The following CEP112 variants were observed in gnomAD, a reference collection of about 807,000 sequenced individuals.
CEP112 encodes the protein centrosomal protein 112, also known as centrosomal protein of 112 kDa.
A neutral mutation model predicts 153.0 loss-of-function variants in CEP112; 127 were observed. That is an observed-to-expected ratio of 0.83 (90% CI 0.72 to 0.96). The LOEUF is 0.96. Among genes scored for constraint, CEP112 ranks in the 40% least tolerant of loss-of-function variants. The pLI, the probability that CEP112 is intolerant of heterozygous loss-of-function variation, is 0.00. For synonymous variants in CEP112, 358 were observed against 374.4 expected, an observed-to-expected ratio of 0.96 and a Z score of 0.51; for missense variants, 1,089 against 1,101.2, an observed-to-expected ratio of 0.99 and a Z score of 0.16.
At chr17:65,847,761 T>C (rs1218186309) in intron 21 of CEP112, among the ~76,000 whole-genome samples, 2 of 151,964 alleles carry the variant, frequency 1.3e-5, no homozygotes, top group South Asian at 2.1e-4. Flanking sequence ...ATGAAGACAA[T>C]GGGACAAAAA....
intron 4 of CEP112, among the ~76,000 whole-genome samples, chr17:66,167,687 A>G (rs989022477): frequency 1.3e-5 from 2 of 152,356 alleles, no homozygotes; most frequent in African/African-American, 2.4e-5. Context: ...ACTTATGCCT[A>G]TATGATACAC....
chr17:66,037,368 C>CTCTCTCCTCTCCCTGTTCTCTCT (rs2065781174), intron 12 of CEP112, among the ~76,000 whole-genome samples: 1 of 152,152 alleles, frequency 6.6e-6, no homozygotes, highest in Admixed American at 6.5e-5. Flanking sequence ...GACCACCTCT[C>CTCTCTCCTCTCCCTGTTCTCTCT]TCTCTCCTCT....
chr17:66,110,882 T>C (rs2069006608), intron 6 of CEP112, among the ~76,000 whole-genome samples: 1 of 152,064 alleles, frequency 6.6e-6, no homozygotes. Context: ...ACTTAAGAGC[T>C]TCTGCACATC....
At chr17:65,999,118 T>C (rs1250031934) in intron 17 of CEP112, among the ~76,000 whole-genome samples, 3 of 152,158 alleles carry the variant, frequency 2.0e-5, no homozygotes, top group Non-Finnish European at 2.9e-5. Flanking sequence ...TTTCTTATAA[T>C]ACTTTCACTG....
chr17:65,845,796 G>C (rs1056126001), intron 21 of CEP112, among the ~76,000 whole-genome samples: 1 of 152,072 alleles, frequency 6.6e-6, no homozygotes, highest in African/African-American at 2.4e-5. Flanking sequence ...CACAAAAGAA[G>C]CTTTCACTTT....
At chr17:66,126,860 C>A (rs557347731) in intron 6 of CEP112, among the ~76,000 whole-genome samples, 5 of 152,108 alleles carry the variant, frequency 3.3e-5, no homozygotes, top group African/African-American at 4.8e-5. Context: ...AAAAATGTAT[C>A]CGTAGTCCAG....
chr17:65,654,951 T>C, intron 24 of CEP112: 1 of 658,436 alleles, frequency 1.5e-6, no homozygotes, highest in Admixed American at 1.9e-5. Flanking sequence ...GCACAAATTA[T>C]TGCGGAAGCC....
chr17:65,834,273 T>C (rs2057210539), intron 21 of CEP112, among the ~76,000 whole-genome samples: 2 of 152,118 alleles, frequency 1.3e-5, no homozygotes, highest in African/African-American at 4.8e-5. Flanking sequence ...AGCATTACCA[T>C]CCTGGACATA....
intron 20 of CEP112, among the ~76,000 whole-genome samples, chr17:65,867,903 G>T (rs575930465): frequency 6.8e-6 from 1 of 147,512 alleles, no homozygotes; most frequent in East Asian, 2.0e-4. Flanking sequence ...GGGGAATGAA[G>T]TCACCCATGG....
At chr17:65,649,628 A>T (rs1284892565) in intron 24 of CEP112, among the ~76,000 whole-genome samples, 2 of 149,122 alleles carry the variant, frequency 1.3e-5, no homozygotes, top group African/African-American at 5.0e-5. Flanking sequence ...CTGAGGTGGG[A>T]GGGTCACTTG....
At chr17:65,672,105 C>T (rs2047015663) in intron 24 of CEP112, among the ~76,000 whole-genome samples, 1 of 152,096 alleles carries the variant, frequency 6.6e-6, no homozygotes, top group African/African-American at 2.4e-5. Context: ...GGTGAGACAA[C>T]TGTAATACTC....
At chr17:65,683,556 G>T (rs1322432557) in intron 24 of CEP112, among the ~76,000 whole-genome samples, 1 of 152,192 alleles carries the variant, frequency 6.6e-6, no homozygotes. Context: ...CCGGCTCCCC[G>T]GAGGGCTGCA....
chr17:66,022,831 A>T (rs2065056335), intron 16 of CEP112, among the ~76,000 whole-genome samples: 1 of 152,040 alleles, frequency 6.6e-6, no homozygotes, highest in Non-Finnish European at 1.5e-5. Flanking sequence ...TCAATTCAGG[A>T]TATAAATTTT....
intron 20 of CEP112, among the ~76,000 whole-genome samples, chr17:65,875,839 A>C (rs2058808030): frequency 6.6e-6 from 1 of 152,164 alleles, no homozygotes; most frequent in Non-Finnish European, 1.5e-5. Context: ...TGTAACCATG[A>C]GTATATTTTC....
At chr17:65,679,833 A>C (rs1181870689) in intron 24 of CEP112, among the ~76,000 whole-genome samples, 1 of 152,200 alleles carries the variant, frequency 6.6e-6, no homozygotes, top group African/African-American at 2.4e-5. Context: ...TGTGGGAGGC[A>C]AATCAACTCT....
chr17:65,909,653 GA>G (rs2060209977), intron 19 of CEP112, among the ~76,000 whole-genome samples: 1 of 152,230 alleles, frequency 6.6e-6, no homozygotes, highest in South Asian at 2.1e-4. Flanking sequence ...AGGGAAAACT[GA>G]AAATTGTGAA....
intron 6 of CEP112, among the ~76,000 whole-genome samples, chr17:66,112,299 T>TA (rs963553495): frequency 6.8e-6 from 1 of 147,474 alleles, no homozygotes; most frequent in Non-Finnish European, 1.5e-5. Context: ...CTCAAAAAAA[T>TA]AAAAAAATTA....
At chr17:65,895,410 G>A (rs367608165) in intron 20 of CEP112, among the ~76,000 whole-genome samples, 2 of 152,152 alleles carry the variant, frequency 1.3e-5, no homozygotes, top group South Asian at 2.1e-4. Context: ...AGTGTTGTTG[G>A]AGGAGCTACT....
At chr17:66,073,278 C>T (rs972513057) in intron 8 of CEP112, among the ~76,000 whole-genome samples, 10 of 152,118 alleles carry the variant, frequency 6.6e-5, no homozygotes, top group Admixed American at 1.3e-4. Context: ...TTGAAGACCA[C>T]GATAGTCCCA....
Sources: gnomAD v4.1 joint callset for allele counts (sites outside exome capture counted in the v4.1 genomes callset) on GRCh38, gnomAD v4.1.1 for gene constraint, MANE v1.5 for transcripts, NCBI Gene and HGNC (gene_info 2026-07-23, HGNC 2026-07-21) for gene names.